ZBTB20: variants seen among roughly 807,000 people sequenced by gnomAD.
ZBTB20 encodes zinc finger and BTB domain-containing protein 20.
Under a neutral mutation model 56.9 loss-of-function variants are expected in ZBTB20, and 9 were observed. The ratio of observed to expected loss-of-function variants is 0.16; its 90% confidence interval spans 0.10 to 0.28. The LOEUF is 0.28. ZBTB20 is among the 10% of genes least tolerant of loss of function. ZBTB20 has a pLI of 1.00. For missense variants in ZBTB20, 655 were observed against 1,003.0 expected, an observed-to-expected ratio of 0.65 and a Z score of 4.69; for synonymous variants, 417 against 420.7, an observed-to-expected ratio of 0.99 and a Z score of 0.11.
intron 6 of ZBTB20, among the ~76,000 whole-genome samples, chr3:114,683,289 A>G (rs916264749): frequency 6.6e-6 from 1 of 152,164 alleles, no homozygotes; most frequent in Non-Finnish European, 1.5e-5. Flanking sequence ...GAGGTACAGA[A>G]AGAGAGTTCT....
At chr3:115,115,389 A>G (rs2083990291) in intron 1 of ZBTB20, among the ~76,000 whole-genome samples, 1 of 152,078 alleles carries the variant, frequency 6.6e-6, no homozygotes, top group African/African-American at 2.4e-5. Flanking sequence ...GTTTAGCCAC[A>G]ATCTTCTCCA....
chr3:114,349,102 A>T (rs771298897), intron 11 of ZBTB20, among the ~76,000 whole-genome samples: 1 of 151,666 alleles, frequency 6.6e-6, no homozygotes, highest in Non-Finnish European at 1.5e-5. Flanking sequence ...TGGGAGGCTG[A>T]AGTGGGAGGA....
At chr3:114,415,277 G>C (rs925589379) in intron 7 of ZBTB20, among the ~76,000 whole-genome samples, 15 of 152,280 alleles carry the variant, frequency 9.9e-5, no homozygotes, top group Middle Eastern at 3.4e-3. Flanking sequence ...AGAAGAAAGA[G>C]AGTAAGAGAA....
chr3:114,849,371 A>C (rs984891104), intron 4 of ZBTB20, among the ~76,000 whole-genome samples: 1 of 152,184 alleles, frequency 6.6e-6, no homozygotes, highest in African/African-American at 2.4e-5. Flanking sequence ...TTCAAGATAA[A>C]ATTGGCTCTA....
At chr3:114,544,453 CTTTCTTTCTTTCTTTCTTTCTTTCTTTT>C (rs1179946725) in intron 6 of ZBTB20, among the ~76,000 whole-genome samples, 9 of 102,646 alleles carry the variant, frequency 8.8e-5, no homozygotes, top group African/African-American at 2.5e-4. Flanking sequence ...TTCTTTCTTT[CTTTCTTTCTTTCTTTCTTTCTTTCTTTT>C]TCTTTCACTT....
At chr3:114,481,293 A>G (rs2041515957) in intron 7 of ZBTB20, among the ~76,000 whole-genome samples, 1 of 150,692 alleles carries the variant, frequency 6.6e-6, no homozygotes, top group Admixed American at 6.6e-5. Flanking sequence ...CATTTCCTGT[A>G]AGCTGCTGAT....
chr3:114,537,153 T>G (rs1312068215), intron 6 of ZBTB20, among the ~76,000 whole-genome samples: 2 of 152,050 alleles, frequency 1.3e-5, no homozygotes, highest in Admixed American at 6.5e-5. Context: ...CTAATTAAAC[T>G]AAAGAGCTTC....
chr3:114,556,172 CATAT>C (rs1366034664), intron 6 of ZBTB20, among the ~76,000 whole-genome samples: 1 of 151,978 alleles, frequency 6.6e-6, no homozygotes, highest in Non-Finnish European at 1.5e-5. Flanking sequence ...TGGATCTGTT[CATAT>C]ATTGTTTCTA....
chr3:114,787,372 C>CACAT (rs1553821551), intron 5 of ZBTB20, among the ~76,000 whole-genome samples: 13 of 122,056 alleles, frequency 1.1e-4, no homozygotes, highest in Admixed American at 2.4e-4. Flanking sequence ...TATATATACA[C>CACAT]ACACACACAC....
intron 3 of ZBTB20, among the ~76,000 whole-genome samples, chr3:114,903,256 A>G (rs2075195153): frequency 6.6e-6 from 1 of 152,106 alleles, no homozygotes; most frequent in Non-Finnish European, 1.5e-5. Flanking sequence ...AATGGTGATC[A>G]TGTTACTCAC....
intron 4 of ZBTB20, among the ~76,000 whole-genome samples, chr3:114,835,981 G>A (rs899319333): frequency 2.0e-5 from 3 of 152,090 alleles, no homozygotes; most frequent in Admixed American, 6.6e-5. Context: ...AGAGTTTCTA[G>A]AAGAAGGGAA....
At chr3:114,914,261 T>A (rs2075656407) in intron 3 of ZBTB20, among the ~76,000 whole-genome samples, 3 of 152,000 alleles carry the variant, frequency 2.0e-5, no homozygotes, top group Admixed American at 2.0e-4. Flanking sequence ...CTTGCAACAA[T>A]CTTTTATAGT....
intron 6 of ZBTB20, among the ~76,000 whole-genome samples, chr3:114,590,081 T>C (rs2055584442): frequency 6.6e-6 from 1 of 152,180 alleles, no homozygotes; most frequent in Non-Finnish European, 1.5e-5. Context: ...ATGTGATAAA[T>C]TTTCCACTAA....
chr3:115,104,947 C>T (rs889909582), intron 1 of ZBTB20, among the ~76,000 whole-genome samples: 1 of 152,022 alleles, frequency 6.6e-6, no homozygotes, highest in Non-Finnish European at 1.5e-5. Flanking sequence ...GGAGGCTGTG[C>T]ATGTGTGAAG....
chr3:114,936,500 C>T (rs1167402767), intron 3 of ZBTB20, among the ~76,000 whole-genome samples: 1 of 151,728 alleles, frequency 6.6e-6, no homozygotes, highest in Non-Finnish European at 1.5e-5. Context: ...TGAATGAGAC[C>T]CTCATTCAAA....
At chr3:114,570,285 A>G (rs1336664438) in intron 6 of ZBTB20, among the ~76,000 whole-genome samples, 2 of 151,860 alleles carry the variant, frequency 1.3e-5, no homozygotes, top group Non-Finnish European at 2.9e-5. Flanking sequence ...ATATCCCTCC[A>G]AATTTTATTT....
At chr3:114,686,853 G>A (rs2062372376) in intron 6 of ZBTB20, among the ~76,000 whole-genome samples, 1 of 152,006 alleles carries the variant, frequency 6.6e-6, no homozygotes, top group African/African-American at 2.4e-5. Flanking sequence ...CCTAACCGCA[G>A]GCTGTATTGA....
At chr3:115,096,685 C>T (rs1489867931) in intron 1 of ZBTB20, among the ~76,000 whole-genome samples, 5 of 152,168 alleles carry the variant, frequency 3.3e-5, no homozygotes, top group Non-Finnish European at 5.9e-5. Context: ...TTGCTCAGGG[C>T]CTGAATTTGG....
At chr3:114,438,850 C>G (rs1019339221) in intron 7 of ZBTB20, among the ~76,000 whole-genome samples, 8 of 152,168 alleles carry the variant, frequency 5.3e-5, no homozygotes, top group Admixed American at 1.3e-4. Flanking sequence ...TGCAACTGCA[C>G]AGGTTGTATA....
Sources: gnomAD v4.1 joint callset for allele counts (sites outside exome capture counted in the v4.1 genomes callset) on GRCh38, gnomAD v4.1.1 for gene constraint, MANE v1.5 for transcripts, NCBI Gene and HGNC (gene_info 2026-07-23, HGNC 2026-07-21) for gene names.